Variants in AQP9 observed in about 807,000 individuals in gnomAD.
AQP9 encodes aquaporin-9.
In AQP9, 19 loss-of-function variants were observed where a neutral mutation model predicts 23.8. That is an observed-to-expected ratio of 0.80 (90% CI 0.56 to 1.17). The LOEUF (loss-of-function observed/expected upper bound fraction) is 1.17, where lower values mean the gene tolerates loss of function less well. Ranked by LOEUF, AQP9 falls within the 50% of genes most tolerant of loss-of-function variation. The pLI, the probability that AQP9 is intolerant of heterozygous loss-of-function variation, is 0.00. For synonymous variants in AQP9, 153 were observed against 131.5 expected, an observed-to-expected ratio of 1.16 and a Z score of -1.12; for missense variants, 413 against 362.0, an observed-to-expected ratio of 1.14 and a Z score of -1.14.
In AQP9 at chr15:58,166,819, A is replaced by T; in HGVS notation, c.238+20A>T. ...TCTCTGGTAAGCAGTAGAAATAATG[A>T]ATGCTGCTCTTAATTCAGCCACTCC... On this transcript the variant is annotated intron_variant, in intron 2 of 5. Coordinates refer to ENST00000219919, the MANE Select transcript of AQP9 (RefSeq NM_020980.5). The T allele has an allele frequency of 6.2e-7, 1 of 1,611,800 alleles. No homozygotes were observed. The highest frequency in any genetic ancestry group is 8.5e-7 in the Non-Finnish European group (1 of 1,178,682).
chr15:58,178,529 A>G (rs1244711662), intron 4 of AQP9, among the ~76,000 whole-genome samples: 1 of 152,208 alleles, frequency 6.6e-6, no homozygotes, highest in Non-Finnish European at 1.5e-5. Flanking sequence ...TTATTGCTGA[A>G]TTTCCTTTTA....
intron 2 of AQP9, 75 bp downstream of exon 2, chr15:58,166,874 CAT>C (rs1898519593): frequency 1.3e-6 from 2 of 1,493,260 alleles, no homozygotes; most frequent in African/African-American, 2.8e-5. Flanking sequence ...GGCTGCTTCA[CAT>C]ACCTTAATTT....
rs770029077 is a variant in AQP9, at chr15:58,179,344, A to G, written c.712A>G (p.Arg238Gly). 1.2e-6 allele frequency: 2 copies of G among 1,610,714 alleles called. No homozygotes were observed. The highest frequency in any genetic ancestry group is 2.2e-5 in the South Asian group (2 of 90,552). Residue 238 changes from arginine to glycine, a missense_variant and splice_region_variant, in exon 5 of 6, where the codon AGA (arginine) becomes GGA (glycine). Physicochemically the swap from Arg to Gly is moderately radical, Grantham distance 125. Coordinates refer to ENST00000219919, the MANE Select transcript of AQP9 (RefSeq NM_020980.5). ...GGCAGGCTGGGGGTTTGAAGTCTTC[A>G]GGTAAGTAACAGTGGTGGGGAAGAG... The part of the protein sequence containing the change: ...ALAGWGFEVF[R>G]AGNNFWWIPV...
chr15:58,141,239 C>T (rs1048195721), intron 1 of AQP9, among the ~76,000 whole-genome samples: 5 of 152,182 alleles, frequency 3.3e-5, no homozygotes, highest in African/African-American at 1.2e-4. Flanking sequence ...TATATATTCT[C>T]CTCTCTCTTC....
At chr15:58,151,430 A>G (rs1324349278) in intron 1 of AQP9, 2 of 152,154 alleles carry the variant, frequency 1.3e-5, no homozygotes, top group African/African-American at 4.8e-5. Context: ...CATCAGCCTC[A>G]TTACTATATC....
At chr15:58,169,483 G>A (rs1377143139) in intron 2 of AQP9, among the ~76,000 whole-genome samples, 3 of 152,180 alleles carry the variant, frequency 2.0e-5, no homozygotes, top group African/African-American at 4.8e-5. Context: ...TTTGGCAGGT[G>A]CAGGAATAGG....
intron 4 of AQP9, 81 bp from the exon 5 acceptor site, chr15:58,179,047 A>G (rs750923951): frequency 7.1e-6 from 7 of 987,724 alleles, no homozygotes; most frequent in Non-Finnish European, 1.1e-5. Context: ...AATATTGTAA[A>G]ATAGTAAGAA....
At chr15:58,144,425 C>T (rs1485463979) in intron 1 of AQP9, among the ~76,000 whole-genome samples, 2 of 152,196 alleles carry the variant, frequency 1.3e-5, no homozygotes, top group Non-Finnish European at 2.9e-5. Context: ...TACACCTGTT[C>T]ACACGCATAT....
chr15:58,144,415 T>C (rs1490519999), intron 1 of AQP9, among the ~76,000 whole-genome samples: 4 of 152,222 alleles, frequency 2.6e-5, no homozygotes, highest in African/African-American at 7.2e-5. Context: ...ATTCCTATCA[T>C]ACACCTGTTC....
intron 4 of AQP9, among the ~76,000 whole-genome samples, chr15:58,176,299 C>T (rs1898752405): frequency 6.6e-6 from 1 of 152,090 alleles, no homozygotes; most frequent in Non-Finnish European, 1.5e-5. Context: ...GGACAGGTCA[C>T]TTGAGCCCAG....
rs558977333 is a variant in AQP9 at position 58,168,466 on chromosome 15, A to T, written c.238+1667A>T. On this transcript the variant is annotated intron_variant, in intron 2 of 5. Coordinates refer to ENST00000219919, the MANE Select transcript of AQP9 (RefSeq NM_020980.5). ...AAACACTGCCTTTGTAGCACTGAAG[A>T]ACGATTGCTTAGACTCCTTGGGAGC... is the stretch of plus-strand genomic sequence containing the variant. Among the ~76,000 whole-genome samples the T allele has an allele frequency of 3.5e-4, 53 of 151,990 alleles. 1 individual carries two copies. The Middle Eastern group carries it at 0.027, about 78-fold the overall frequency.
intron 2 of AQP9, among the ~76,000 whole-genome samples, chr15:58,167,397 A>G (rs563310644): frequency 3.9e-5 from 6 of 152,216 alleles, no homozygotes; most frequent in Non-Finnish European, 8.8e-5. Flanking sequence ...GTTACCAAAG[A>G]CACTCAGAAT....
intron 4 of AQP9, 51 bp from the exon 5 acceptor site, chr15:58,179,077 C>T (rs772945075): frequency 7.8e-7 from 1 of 1,286,110 alleles, no homozygotes; most frequent in South Asian, 1.2e-5. Flanking sequence ...TTGAGACATG[C>T]AGGTGAGCAG....
At chr15:58,179,522 T>TGTGC (rs1898836934) in intron 5 of AQP9, among the ~76,000 whole-genome samples, 177 bp downstream of exon 5, 1 of 151,632 alleles carries the variant, frequency 6.6e-6, no homozygotes, top group African/African-American at 2.4e-5. Flanking sequence ...TGTGTGTGTG[T>TGTGC]GTGTGTGTGT....
At chr15:58,172,124 G>T (rs960888772) in intron 2 of AQP9, among the ~76,000 whole-genome samples, 3 of 152,128 alleles carry the variant, frequency 2.0e-5, no homozygotes, top group Non-Finnish European at 2.9e-5. Context: ...GAAAACACAG[G>T]CTCTAGAATT....
chr15:58,159,454 T>C, intron 1 of AQP9, among the ~76,000 whole-genome samples: 1 of 152,204 alleles, frequency 6.6e-6, no homozygotes, highest in Non-Finnish European at 1.5e-5. Context: ...TGTATAAAAA[T>C]CAAATCAGTG....
At position 58,178,428 on chromosome 15, in the gene AQP9, G is replaced by A. The variant is rs4407009; in HGVS notation, c.496-700G>A. 2.2e-3 allele frequency among the ~76,000 whole-genome samples: 337 copies of A among 152,130 alleles called. 1 individual carries two copies. The highest frequency in any genetic ancestry group is 7.4e-3 in the African/African-American group (307 of 41,518). Reference sequence around the variant, plus strand: ...GGACATTTTAAAATGATTTTTCCACGTTTTAGATTATTTCCATTGTGTAAT... The same window carrying A: ...GGACATTTTAAAATGATTTTTCCACATTTTAGATTATTTCCATTGTGTAAT... On this transcript the variant is annotated intron_variant, in intron 4 of 5. Coordinates refer to ENST00000219919, the MANE Select transcript of AQP9 (RefSeq NM_020980.5).
intron 1 of AQP9, among the ~76,000 whole-genome samples, chr15:58,160,589 C>T (rs557879029): frequency 2.0e-5 from 3 of 151,378 alleles, no homozygotes; most frequent in African/African-American, 7.3e-5. Flanking sequence ...TGGTTCTCCC[C>T]ATGTATACAT....
intron 1 of AQP9, chr15:58,155,294 C>A (rs1339011499): frequency 1.3e-5 from 2 of 152,090 alleles, no homozygotes; most frequent in Non-Finnish European, 2.9e-5. Flanking sequence ...TTTCTAGAAA[C>A]CTGAAATATT....
Sources: gnomAD v4.1 joint callset for allele counts (sites outside exome capture counted in the v4.1 genomes callset) on GRCh38, gnomAD v4.1.1 for gene constraint, MANE v1.5 for transcripts, NCBI Gene and HGNC (gene_info 2026-07-23, HGNC 2026-07-21) for gene names.